The following IL1RN variants were observed in gnomAD, a reference collection of about 807,000 sequenced individuals.
IL1RN encodes the protein interleukin 1 receptor antagonist.
IL1RN carries 10 observed loss-of-function variants against 13.7 expected under a neutral mutation model. That is an observed-to-expected ratio of 0.73 (90% CI 0.45 to 1.24). The LOEUF (loss-of-function observed/expected upper bound fraction) is 1.24. IL1RN is among the 50% of genes most tolerant of loss of function. The probability of loss-of-function intolerance (pLI) is 0.00; values close to 1 mark genes in which losing one functional copy is unlikely to be tolerated. For missense variants in IL1RN, 213 were observed against 222.1 expected (o/e 0.96, Z 0.26); for synonymous variants, 102 against 82.7 (o/e 1.23, Z -1.27).
At chr2:113,117,904 C>T (rs1440741415) in exon 1 of IL1RN, 3 of 785,606 alleles carry the variant, frequency 3.8e-6, no homozygotes, top group African/African-American at 3.4e-5. Flanking sequence ...GGCAGCTCCA[C>T]CCTGGGAGGG....
intron 1 of IL1RN, chr2:113,119,991 C>T (rs1270021895): frequency 1.7e-6 from 2 of 1,159,380 alleles, no homozygotes; most frequent in African/African-American, 3.1e-5. Context: ...CTTTGTGTTA[C>T]CTTGGACAAG....
At chr2:113,119,228 G>A (rs917116509) in intron 1 of IL1RN, among the ~76,000 whole-genome samples, 9 of 152,132 alleles carry the variant, frequency 5.9e-5, no homozygotes, top group Non-Finnish European at 1.0e-4. Flanking sequence ...TCATGGACAC[G>A]TTACAAGCTA....
intron 1 of IL1RN, chr2:113,118,061 A>G (rs1483831100): frequency 6.2e-7 from 1 of 1,613,076 alleles, no homozygotes. Flanking sequence ...TTTTCACCTG[A>G]GAAATGAGAG....
upstream of IL1RN, among the ~76,000 whole-genome samples, chr2:113,122,749 C>T (rs1477830096): frequency 6.6e-6 from 1 of 152,194 alleles, no homozygotes; most frequent in Non-Finnish European, 1.5e-5. Flanking sequence ...CTGGACCTCA[C>T]CCAACTTTTC....
chr2:113,113,935 C>G (rs995616968), upstream of IL1RN, among the ~76,000 whole-genome samples: 3 of 152,188 alleles, frequency 2.0e-5, no homozygotes, highest in Admixed American at 2.0e-4. Context: ...GTGTACCTTA[C>G]TGGATTAGTT....
At chr2:113,105,073 A>G (rs1413758914), upstream of IL1RN, among the ~76,000 whole-genome samples, 1 of 151,864 alleles carries the variant, frequency 6.6e-6, no homozygotes, top group East Asian at 1.9e-4. Flanking sequence ...GAATGCACGG[A>G]GGAGATCTTT....
chr2:113,128,412 G>A (rs1431838462), intron 1 of IL1RN, among the ~76,000 whole-genome samples: 1 of 152,188 alleles, frequency 6.6e-6, no homozygotes, highest in Non-Finnish European at 1.5e-5. Flanking sequence ...GTGAAATCAT[G>A]TTGGGGTGAC....
Position 113,132,908 on chromosome 2 carries a change from C to G in IL1RN, c.*37C>G. ...CCTGCCTGTTCCCATTCTTGCATGG[C>G]AAGGACTGCAGGGACTGCCAGTCCC... On this transcript the variant is annotated 3_prime_UTR_variant, in exon 4 of 4. Transcript: ENST00000409930. The G allele has an allele frequency of 6.3e-7, 1 of 1,594,872 alleles. No homozygotes were observed. Among genetic ancestry groups the G allele is most frequent in the African/African-American group, 1.3e-5 (1 of 74,622 alleles).
chr2:113,119,076 T>C (rs1054517081), intron 1 of IL1RN, among the ~76,000 whole-genome samples: 81 of 152,122 alleles, frequency 5.3e-4, no homozygotes, highest in African/African-American at 1.9e-3. Flanking sequence ...TGAAATAAAA[T>C]AGGCCTCTAA....
chr2:113,107,891 T>C (rs1397684897), upstream of IL1RN, among the ~76,000 whole-genome samples: 1 of 152,250 alleles, frequency 6.6e-6, no homozygotes, highest in Non-Finnish European at 1.5e-5. Context: ...ATTTATTCTT[T>C]TGTGTTGTTA....
upstream of IL1RN, among the ~76,000 whole-genome samples, chr2:113,102,737 G>A (rs1406475706): frequency 7.9e-5 from 12 of 152,082 alleles, no homozygotes; most frequent in Non-Finnish European, 1.3e-4. Context: ...GTCACAAGGT[G>A]CTCAGTGGGG....
upstream of IL1RN, among the ~76,000 whole-genome samples, chr2:113,107,052 T>C (rs934740108): frequency 2.0e-5 from 3 of 152,194 alleles, no homozygotes; most frequent in Non-Finnish European, 2.9e-5. Context: ...AATAGGGTAA[T>C]TTAATATATG....
At chr2:113,125,964 A>AT (rs1192947501), upstream of IL1RN, among the ~76,000 whole-genome samples, 1 of 151,912 alleles carries the variant, frequency 6.6e-6, no homozygotes, top group Non-Finnish European at 1.5e-5. Context: ...ATCCCTGCTA[A>AT]TTTTTGCATT....
At chr2:113,103,984 G>A (rs13406085), upstream of IL1RN, among the ~76,000 whole-genome samples, 30,660 of 149,140 alleles carry the variant, frequency 0.21, 4,615 homozygotes, top group African/African-American at 0.43. Flanking sequence ...AATTTTTATG[G>A]CATCAAGGGG....
At chr2:113,122,264 A>T (rs1686804714) in intron 2 of IL1RN, among the ~76,000 whole-genome samples, 1 of 152,230 alleles carries the variant, frequency 6.6e-6, no homozygotes, top group Admixed American at 6.5e-5. Context: ...CCGACAAACT[A>T]GATTTATCAG....
At chr2:113,116,478 G>C (rs4251957), upstream of IL1RN, among the ~76,000 whole-genome samples, 596 of 151,718 alleles carry the variant, frequency 3.9e-3, 7 homozygotes, top group African/African-American at 0.013. Flanking sequence ...CCCTGCGGTC[G>C]GGAGCACCCA....
At chr2:113,120,950 C>T (rs1686751478) in intron 2 of IL1RN, among the ~76,000 whole-genome samples, 1 of 151,992 alleles carries the variant, frequency 6.6e-6, no homozygotes, top group Non-Finnish European at 1.5e-5. Context: ...TCTTTCTAAG[C>T]CTTGAGTAGT....
chr2:113,112,610 C>T (rs999093179), intron 1 of IL1RN, among the ~76,000 whole-genome samples: 10 of 152,162 alleles, frequency 6.6e-5, no homozygotes, highest in Non-Finnish European at 2.9e-5. Flanking sequence ...AATTCCCCGC[C>T]CACGCTTTCT....
upstream of IL1RN, among the ~76,000 whole-genome samples, chr2:113,113,440 G>C (rs1304200137): frequency 6.6e-6 from 1 of 152,072 alleles, no homozygotes; most frequent in Non-Finnish European, 1.5e-5. Flanking sequence ...AGAGGTGATA[G>C]TTAAAGGGTA....
Sources: allele counts gnomAD v4.1 joint callset (sites outside exome capture counted in the v4.1 genomes callset), GRCh38; gene constraint gnomAD v4.1.1; transcripts MANE v1.5; gene names NCBI Gene and HGNC (gene_info 2026-07-23, HGNC 2026-07-21).